The following NUP93 variants were observed in gnomAD, a reference collection of about 807,000 sequenced individuals.
The protein encoded by NUP93 is nucleoporin 93, also known as nuclear pore complex protein Nup93.
Under a neutral mutation model 107.8 loss-of-function variants are expected in NUP93, and 55 were observed. The observed-to-expected ratio is 0.51, with a 90% CI of 0.41 to 0.64. The LOEUF (loss-of-function observed/expected upper bound fraction) is 0.64, where lower values mean the gene tolerates loss of function less well. NUP93 is among the 30% of genes least tolerant of loss of function. NUP93 has a pLI of 0.00. For synonymous variants in NUP93, 390 were observed against 397.5 expected (o/e 0.98, Z 0.22); for missense variants, 937 against 1,044.7 (o/e 0.90, Z 1.42).
At chr16:56,739,102 C>G (rs1348833295) in intron 1 of NUP93, among the ~76,000 whole-genome samples, 7 of 147,698 alleles carry the variant, frequency 4.7e-5, no homozygotes, top group African/African-American at 1.0e-4. Context: ...TGAAAAGTCT[C>G]CCATGTCTAC....
chr16:56,749,020 A>G (rs917012937), intron 2 of NUP93, among the ~76,000 whole-genome samples: 26 of 152,232 alleles, frequency 1.7e-4, no homozygotes, highest in African/African-American at 6.0e-4. Flanking sequence ...CAGCTGGGGA[A>G]AAGTGCTGAC....
intron 3 of NUP93, among the ~76,000 whole-genome samples, chr16:56,760,103 A>T (rs1254487088): frequency 2.0e-5 from 3 of 152,174 alleles, no homozygotes; most frequent in African/African-American, 7.2e-5. Context: ...CTGCCATTAG[A>T]TGGTTTTCTA....
chr16:56,786,041 C>T (rs183423639), intron 3 of NUP93, among the ~76,000 whole-genome samples: 135 of 152,196 alleles, frequency 8.9e-4, no homozygotes, highest in South Asian at 2.1e-4. Context: ...TCCTACGAAA[C>T]TATGTTATTT....
intron 2 of NUP93, among the ~76,000 whole-genome samples, chr16:56,750,866 A>G (rs1396720840): frequency 6.6e-6 from 1 of 152,150 alleles, no homozygotes; most frequent in Non-Finnish European, 1.5e-5. Flanking sequence ...ATCAACTGAA[A>G]CAGAATATTG....
chr16:56,804,503 G>A (rs1963089889), intron 4 of NUP93, among the ~76,000 whole-genome samples: 1 of 152,156 alleles, frequency 6.6e-6, no homozygotes, highest in Admixed American at 6.5e-5. Context: ...ACCTAGAGTA[G>A]TCAAATTCAC....
chr16:56,812,161 T>C (rs1328513684), intron 5 of NUP93, among the ~76,000 whole-genome samples: 1 of 152,154 alleles, frequency 6.6e-6, no homozygotes, highest in African/African-American at 2.4e-5. Flanking sequence ...AAGGAAAATG[T>C]CCAAATTCTG....
intron 5 of NUP93, among the ~76,000 whole-genome samples, chr16:56,810,135 GA>G (rs1963282196): frequency 6.6e-6 from 1 of 152,170 alleles, no homozygotes; most frequent in Admixed American, 6.5e-5. Flanking sequence ...AGTCCCCTTG[GA>G]AGGGAGTTAT....
In NUP93 at chr16:56,840,775, C is replaced by G. The variant is rs376812210; in HGVS notation, c.2221-930C>G. On this transcript the variant is annotated intron_variant, in intron 20 of 21. Transcript: ENST00000308159. Reference sequence around the variant, plus strand: ...TTTTGGGAGGCTGAGGCGGACTGATCACCTGAGGTCAGGAGTTCGAGACCA... The same window carrying G: ...TTTTGGGAGGCTGAGGCGGACTGATGACCTGAGGTCAGGAGTTCGAGACCA... Among the ~76,000 whole-genome samples the G allele has an allele frequency of 1.1e-4, 16 of 152,274 alleles. No individual in the cohort carries two copies. In the South Asian group the frequency reaches 2.9e-3, roughly 28 times the overall value.
intron 2 of NUP93, among the ~76,000 whole-genome samples, chr16:56,749,801 A>G (rs1435053046): frequency 6.6e-6 from 1 of 152,210 alleles, no homozygotes; most frequent in African/African-American, 2.4e-5. Context: ...TTCTGTTGGC[A>G]TTGGTAAAGG....
Position 56,850,192 on chromosome 16 carries a change from G to A in NUP93, c.*5583G>A, listed in dbSNP as rs1964160279. 1 of 152,242 alleles carries A rather than the reference G, an allele frequency of 6.6e-6. No individual in the cohort carries two copies. The highest frequency in any genetic ancestry group is 1.5e-5 in the Non-Finnish European group (1 of 68,086). 9.4% of individuals were successfully genotyped at this position (152,242 alleles called of 1,614,324 possible). On this transcript the variant is annotated 3_prime_UTR_variant, in exon 22 of 22. Coordinates refer to ENST00000308159, the MANE Select transcript of NUP93 (RefSeq NM_014669.5). ...GAGCGTTGGTGGATGTGTTCTGCAT[G>A]TTCCTTTCTGTACAGTAACTTCTGC...
intron 1 of NUP93, among the ~76,000 whole-genome samples, chr16:56,733,009 G>T (rs1961558028): frequency 6.6e-6 from 1 of 152,156 alleles, no homozygotes; most frequent in Non-Finnish European, 1.5e-5. Flanking sequence ...GCATAGGTGG[G>T]ACTTTCCCAG....
intron 1 of NUP93, among the ~76,000 whole-genome samples, chr16:56,741,462 G>C (rs1412522881): frequency 6.6e-6 from 1 of 152,210 alleles, no homozygotes; most frequent in Non-Finnish European, 1.5e-5. Flanking sequence ...TAAATGAACA[G>C]TCTGGATTGG....
At chr16:56,824,312 A>G (rs1963613153) in intron 8 of NUP93, among the ~76,000 whole-genome samples, 1 of 152,196 alleles carries the variant, frequency 6.6e-6, no homozygotes, top group South Asian at 2.1e-4. Flanking sequence ...AGTCAGGGTC[A>G]TTCTGAGCTG....
Position 56,834,363 on chromosome 16 carries a change from C to T in NUP93, c.1665-7C>T. ...ACTGGAAACTGAGTTGTTTATTTCCCTTACAGGGATGAGAAAGATAGTCAA... is the reference window on the plus strand; with the variant it reads ...ACTGGAAACTGAGTTGTTTATTTCCTTTACAGGGATGAGAAAGATAGTCAA... On this transcript the variant is annotated splice_region_variant and splice_polypyrimidine_tract_variant and intron_variant, in intron 14 of 21. Transcript: ENST00000308159. The T allele has an allele frequency of 4.3e-6, 7 of 1,614,160 alleles. No individual in the cohort carries two copies. In the African/African-American group the frequency reaches 8.0e-5, roughly 18 times the overall value.
chr16:56,811,924 A>G (rs1306736162), intron 5 of NUP93, among the ~76,000 whole-genome samples: 4 of 152,180 alleles, frequency 2.6e-5, no homozygotes, highest in Admixed American at 2.0e-4. Context: ...TTTTACTTCA[A>G]TCATTTTAAT....
chr16:56,793,679 A>G (rs924032759), intron 3 of NUP93, among the ~76,000 whole-genome samples: 2 of 152,158 alleles, frequency 1.3e-5, no homozygotes, highest in African/African-American at 2.4e-5. Context: ...GTTCTGCCCA[A>G]CTTTTTAGTT....
intron 13 of NUP93, among the ~76,000 whole-genome samples, chr16:56,833,838 C>G (rs1200364883): frequency 6.6e-6 from 1 of 152,112 alleles, no homozygotes; most frequent in Non-Finnish European, 1.5e-5. Flanking sequence ...CTTATTGTTG[C>G]AGCAAAGTCA....
chr16:56,825,044 A>G (rs1963627924), intron 8 of NUP93, among the ~76,000 whole-genome samples: 1 of 151,906 alleles, frequency 6.6e-6, no homozygotes, highest in African/African-American at 2.4e-5. Context: ...CTTATACTAT[A>G]TAAAAACTTC....
intron 1 of NUP93, among the ~76,000 whole-genome samples, chr16:56,743,330 T>C (rs1961768917): frequency 6.6e-6 from 1 of 152,228 alleles, no homozygotes; most frequent in Non-Finnish European, 1.5e-5. Context: ...TTTTAGACAC[T>C]AAATGACAGG....
Sources: gnomAD v4.1 joint callset for allele counts (sites outside exome capture counted in the v4.1 genomes callset) on GRCh38, gnomAD v4.1.1 for gene constraint, MANE v1.5 for transcripts, NCBI Gene and HGNC (gene_info 2026-07-23, HGNC 2026-07-21) for gene names.